The following COLEC10 variants were observed in gnomAD, a reference collection of about 807,000 sequenced individuals.
COLEC10 encodes the protein collectin subfamily member 10, also known as collectin-10.
Under a neutral mutation model 28.4 loss-of-function variants are expected in COLEC10, and 22 were observed. The observed-to-expected ratio is 0.78, with a 90% CI of 0.55 to 1.11. The LOEUF (loss-of-function observed/expected upper bound fraction) is 1.11. COLEC10 is among the 50% of genes least tolerant of loss of function. The pLI is 0.00. For synonymous variants in COLEC10, 125 were observed against 116.1 expected, an observed-to-expected ratio of 1.08 and a Z score of -0.49; for missense variants, 361 against 344.1, an observed-to-expected ratio of 1.05 and a Z score of -0.39.
the COLEC10 span, among the ~76,000 whole-genome samples, chr8:118,962,219 G>A: frequency 4.6e-5 from 7 of 152,192 alleles, no homozygotes; most frequent in Admixed American, 4.6e-4. Context: ...AGTATGATGA[G>A]GAAAGTCCAA....
At chr8:119,076,578 A>G (rs1815242312) in intron 1 of COLEC10, among the ~76,000 whole-genome samples, 1 of 152,194 alleles carries the variant, frequency 6.6e-6, no homozygotes, top group African/African-American at 2.4e-5. Context: ...AAAATTCTTT[A>G]AACAGATAAC....
At chr8:119,030,394 A>G (rs1370551771) in intron 2 of COLEC10, among the ~76,000 whole-genome samples, 1 of 151,446 alleles carries the variant, frequency 6.6e-6, no homozygotes, top group Non-Finnish European at 1.5e-5. Context: ...GCTGGGCATG[A>G]TGATTCATGC....
At chr8:118,967,425 C>T in the COLEC10 span, among the ~76,000 whole-genome samples, 1 of 151,986 alleles carries the variant, frequency 6.6e-6, no homozygotes, top group Admixed American at 6.6e-5. Flanking sequence ...GATACAAATG[C>T]CCTGGATTAA....
chr8:118,960,282 G>A, the COLEC10 span, among the ~76,000 whole-genome samples: 3 of 152,144 alleles, frequency 2.0e-5, no homozygotes, highest in Non-Finnish European at 4.4e-5. Context: ...CTAAGAAAAA[G>A]CATGGATAAT....
chr8:118,992,001 G>A (rs1813512884), upstream of COLEC10, among the ~76,000 whole-genome samples: 2 of 152,054 alleles, frequency 1.3e-5, no homozygotes, highest in South Asian at 4.1e-4. Context: ...TTGACAGCAT[G>A]ATTTTAAAGC....
chr8:118,997,589 G>T (rs117589227), intron 1 of COLEC10, among the ~76,000 whole-genome samples: 2 of 152,124 alleles, frequency 1.3e-5, no homozygotes, highest in Non-Finnish European at 2.9e-5. Flanking sequence ...TATGCCTCAA[G>T]TGACATAGCA....
chr8:119,009,074 T>A (rs926550628), intron 1 of COLEC10, among the ~76,000 whole-genome samples: 1 of 151,138 alleles, frequency 6.6e-6, no homozygotes, highest in Non-Finnish European at 1.5e-5. Context: ...ATGCTTCAGC[T>A]ACCATTCACC....
chr8:118,995,881 A>T (rs201536479), intron 1 of COLEC10, among the ~76,000 whole-genome samples: 1 of 140,804 alleles, frequency 7.1e-6, no homozygotes, highest in Admixed American at 7.0e-5. Flanking sequence ...TGTTTTTTTT[A>T]ATTGTGGTAA....
chr8:119,058,759 G>A (rs1284109570), intron 2 of COLEC10, among the ~76,000 whole-genome samples: 1 of 151,958 alleles, frequency 6.6e-6, no homozygotes, highest in Non-Finnish European at 1.5e-5. Context: ...CACATGTCTT[G>A]ATTTCTCCCA....
intron 2 of COLEC10, among the ~76,000 whole-genome samples, chr8:119,039,431 GA>G (rs1014439211): frequency 1.7e-4 from 26 of 152,152 alleles, no homozygotes; most frequent in African/African-American, 6.0e-4. Flanking sequence ...AAGAGGGGAG[GA>G]ACTACATCTG....
At chr8:119,079,143 A>G (rs1403123166) in intron 1 of COLEC10, among the ~76,000 whole-genome samples, 2 of 152,060 alleles carry the variant, frequency 1.3e-5, no homozygotes, top group Non-Finnish European at 2.9e-5. Context: ...TCTAGTGACT[A>G]GAAATTCCTC....
the COLEC10 span, among the ~76,000 whole-genome samples, chr8:118,968,233 CTGAG>C: frequency 6.6e-6 from 1 of 151,492 alleles, no homozygotes; most frequent in African/African-American, 2.4e-5. Flanking sequence ...TCTAGGAACT[CTGAG>C]TGTGAATTCC....
At chr8:119,053,232 G>T (rs73709543) in intron 2 of COLEC10, among the ~76,000 whole-genome samples, 4,947 of 152,162 alleles carry the variant, frequency 0.033, 270 homozygotes, top group African/African-American at 0.11. Flanking sequence ...GTGAGAGCAG[G>T]TTGGAGAGGT....
intron 2 of COLEC10, among the ~76,000 whole-genome samples, chr8:119,055,142 T>C (rs1814740173): frequency 6.6e-6 from 1 of 152,114 alleles, no homozygotes; most frequent in African/African-American, 2.4e-5. Flanking sequence ...GATTGTATTC[T>C]GTTTTATCAG....
chr8:119,058,404 C>T (rs1426491276), intron 2 of COLEC10, among the ~76,000 whole-genome samples: 1 of 151,944 alleles, frequency 6.6e-6, no homozygotes, highest in Non-Finnish European at 1.5e-5. Flanking sequence ...CCATTGTGTC[C>T]ATTTTCAAAA....
intron 2 of COLEC10, among the ~76,000 whole-genome samples, chr8:119,047,906 C>A (rs1184010827): frequency 1.3e-5 from 2 of 151,958 alleles, no homozygotes; most frequent in Admixed American, 1.3e-4. Flanking sequence ...ATATGATAAC[C>A]CCCAATCCTT....
intron 2 of COLEC10, among the ~76,000 whole-genome samples, chr8:119,014,022 C>T (rs2025584651): frequency 1.3e-5 from 2 of 150,766 alleles, no homozygotes; most frequent in African/African-American, 2.5e-5. Flanking sequence ...CACTCACACA[C>T]AAACACACTC....
intron 2 of COLEC10, among the ~76,000 whole-genome samples, chr8:119,090,909 A>G (rs1211125986): frequency 6.6e-6 from 1 of 152,244 alleles, no homozygotes; most frequent in Admixed American, 6.5e-5. Context: ...TAGAAATACT[A>G]CATCAGCAAG....
chr8:118,961,357 A>G, the COLEC10 span, among the ~76,000 whole-genome samples: 1 of 152,164 alleles, frequency 6.6e-6, no homozygotes, highest in Non-Finnish European at 1.5e-5. Context: ...TATTTATTTG[A>G]CAGTAAGCTT....
Sources: allele counts gnomAD v4.1 joint callset (sites outside exome capture counted in the v4.1 genomes callset), GRCh38; gene constraint gnomAD v4.1.1; transcripts MANE v1.5; gene names NCBI Gene and HGNC (gene_info 2026-07-23, HGNC 2026-07-21).